The following SMARCA4 variants were observed in gnomAD, a reference collection of about 807,000 sequenced individuals.
SMARCA4 encodes SWI/SNF related BAF chromatin remodeling complex subunit ATPase 4.
A neutral mutation model predicts 193.9 loss-of-function variants in SMARCA4; 31 were observed. The observed-to-expected ratio is 0.16, with a 90% CI of 0.12 to 0.22. The LOEUF is 0.22. Ranked by LOEUF, SMARCA4 falls within the 10% of genes least tolerant of loss-of-function variation. The pLI, the probability that SMARCA4 is intolerant of heterozygous loss-of-function variation, is 1.00. For missense variants in SMARCA4, 1,148 were observed against 2,296.0 expected (o/e 0.50, Z 10.22); for synonymous variants, 942 against 933.1 (o/e 1.01, Z -0.17).
chr19:10,987,917 G>A lies in SMARCA4; in HGVS notation c.1111G>A (p.Glu371Lys), dbSNP rs1599972601. 1.2e-6 allele frequency: 2 copies of A among 1,612,598 alleles called. No individual in the cohort carries two copies. The highest frequency in any genetic ancestry group is 1.7e-6 in the Non-Finnish European group (2 of 1,179,944). ...CCCTGTGGAGATCCTGCAGGAGCGC[G>A]AGTACAGGTGAGGGCGGGGCCCAGT... ...LDPVEILQER[E>K]YRLQARIAHR... The change falls in exon 6 of 35, where the codon GAG (glutamate) becomes AAG (lysine). Residue 371 changes from glutamate (E) to lysine (K), a missense_variant. Around this residue, in one of 17 missense-constraint regions of SMARCA4, gnomAD observed 257 missense variants for 276.5 expected, o/e 0.93. Coordinates refer to ENST00000344626, the MANE Select transcript of SMARCA4 (RefSeq NM_003072.5). This position sits in a 1 kb window ranked among gnomAD's most constrained non-coding sequence, Gnocchi z 5.3.
chr19:11,038,730 G>A (rs1181570697), intron 29 of SMARCA4, among the ~76,000 whole-genome samples: 3 of 151,912 alleles, frequency 2.0e-5, no homozygotes, highest in Admixed American at 1.3e-4. Flanking sequence ...CACTGGCACA[G>A]CCTCAGATTC....
intron 7 of SMARCA4, 36 bp downstream of exon 7, chr19:10,989,479 G>T: frequency 6.2e-7 from 1 of 1,611,966 alleles, no homozygotes; most frequent in Non-Finnish European, 8.5e-7. Context: ...TCCGAAAAGG[G>T]CCTTTGTCAC....
chr19:11,046,792 C>T (rs371311574), intron 30 of SMARCA4, among the ~76,000 whole-genome samples: 1 of 151,830 alleles, frequency 6.6e-6, no homozygotes, highest in Non-Finnish European at 1.5e-5. Flanking sequence ...CCCGCCTATG[C>T]AAAAAATACA....
rs895629752 is a variant in SMARCA4, at chr19:11,062,219, G to A, written c.*403G>A. ...GTCAGACTCGCCGGGGGCCCGGCGAGGGTATGTCAGTGTCACTGGATGTCA... is the reference window on the plus strand; with the variant it reads ...GTCAGACTCGCCGGGGGCCCGGCGAAGGTATGTCAGTGTCACTGGATGTCA... On this transcript the variant is annotated 3_prime_UTR_variant, in exon 35 of 35. Transcript: ENST00000344626. 2.0e-5 allele frequency: 6 copies of A among 303,140 alleles called. No individual in the cohort carries two copies. Among genetic ancestry groups the A allele is most frequent in the Admixed American group, 9.3e-5 (2 of 21,468 alleles). 18.8% of individuals were successfully genotyped at this position (303,140 alleles called of 1,614,324 possible).
chr19:11,061,989 G>T lies in SMARCA4; in HGVS notation c.*173G>T, dbSNP rs2076923315. 3 of 677,694 alleles carry T rather than the reference G, an allele frequency of 4.4e-6. No individual in the cohort carries two copies. The highest frequency in any genetic ancestry group is 4.3e-5 in the Admixed American group (2 of 46,906). The allele number at this position is 677,694 out of a possible 1,614,324, so 42.0% of individuals were successfully genotyped here. On this transcript the variant is annotated 3_prime_UTR_variant, in exon 35 of 35. Coordinates refer to ENST00000344626, the MANE Select transcript of SMARCA4 (RefSeq NM_003072.5). ...GAAGCTGTAGGACTGTTTGTGACTG[G>T]CCCTGTCCTGGCATCAGTAGCATCT...
intron 19 of SMARCA4, among the ~76,000 whole-genome samples, chr19:11,023,010 G>A (rs1372508995): frequency 1.3e-5 from 2 of 152,172 alleles, no homozygotes; most frequent in Non-Finnish European, 2.9e-5. Flanking sequence ...ATTAGTAGAG[G>A]AGTAGGCGCC....
intron 1 of SMARCA4, among the ~76,000 whole-genome samples, chr19:10,972,898 C>T (rs1447953845): frequency 1.3e-5 from 2 of 152,202 alleles, no homozygotes; most frequent in South Asian, 2.1e-4. Flanking sequence ...ATCATCGGCT[C>T]AGGAGTTTGA....
chr19:10,991,104 C>A (rs1206038608), intron 7 of SMARCA4, 46 bp from the exon 8 acceptor site: 8 of 1,609,502 alleles, frequency 5.0e-6, no homozygotes, highest in Non-Finnish European at 5.9e-6. Flanking sequence ...ATTGTGGATG[C>A]CACAGAGCTG....
In SMARCA4 at chr19:10,986,614, C is replaced by T. The variant is rs1259686884; in HGVS notation, c.760+21C>T. On this transcript the variant is annotated intron_variant, in intron 4 of 34. Transcript: ENST00000344626. This position sits in a 1 kb window ranked among gnomAD's most constrained non-coding sequence, Gnocchi z 6.7. ...TCATGGTAAGACTGGCTGCCCTGGCCCTCAGGTGTCTCAGAGCGAATGGCT... is the reference window on the plus strand; with the variant it reads ...TCATGGTAAGACTGGCTGCCCTGGCTCTCAGGTGTCTCAGAGCGAATGGCT... 4 of 1,535,388 alleles carry T rather than the reference C, an allele frequency of 2.6e-6. No homozygotes were observed. Among genetic ancestry groups the T allele is most frequent in the Non-Finnish European group, 2.6e-6 (3 of 1,146,794 alleles).
Position 10,986,625 on chromosome 19 carries a change from T to G in SMARCA4, c.760+32T>G. Reference sequence around the variant, plus strand: ...CTGGCTGCCCTGGCCCTCAGGTGTCTCAGAGCGAATGGCTGGGGCGTGGGT... The same window carrying G: ...CTGGCTGCCCTGGCCCTCAGGTGTCGCAGAGCGAATGGCTGGGGCGTGGGT... On this transcript the variant is annotated intron_variant, in intron 4 of 34. Coordinates refer to ENST00000344626, the MANE Select transcript of SMARCA4 (RefSeq NM_003072.5). This position sits in a 1 kb window ranked among gnomAD's most constrained non-coding sequence, Gnocchi z 6.7. The G allele has an allele frequency of 6.5e-7, 1 of 1,535,220 alleles. No individual in the cohort carries two copies. Among genetic ancestry groups the G allele is most frequent in the Non-Finnish European group, 8.7e-7 (1 of 1,146,720 alleles).
chr19:10,962,030 G>T (rs947994995), intron 1 of SMARCA4, among the ~76,000 whole-genome samples: 1 of 143,554 alleles, frequency 7.0e-6, no homozygotes, highest in South Asian at 2.2e-4. Flanking sequence ...AAGGGAATAA[G>T]CGGAAAAGCC....
chr19:11,058,964 T>C lies in SMARCA4; in HGVS notation c.4635+75T>C. ...TTGACCCAACCCGCCCCTCCTTCCC[T>C]TCTGAATTGATGGGTTAAAAACAAG... On this transcript the variant is annotated intron_variant, in intron 32 of 34. Coordinates refer to ENST00000344626, the MANE Select transcript of SMARCA4 (RefSeq NM_003072.5). The surrounding 1 kb of genome is among the most constrained non-coding windows in gnomAD (Gnocchi z 5.8). The C allele has an allele frequency of 8.5e-7, 1 of 1,171,150 alleles. No homozygotes were observed. Among genetic ancestry groups the C allele is most frequent in the Non-Finnish European group, 1.3e-6 (1 of 788,568 alleles). 72.5% of individuals were successfully genotyped at this position (1,171,150 alleles called of 1,614,324 possible).
intron 16 of SMARCA4, among the ~76,000 whole-genome samples, chr19:11,018,573 C>T (rs1215550370): frequency 6.6e-6 from 1 of 152,234 alleles, no homozygotes; most frequent in African/African-American, 2.4e-5. Context: ...CCTCAGGTCT[C>T]CACAGCACTG....
Position 10,991,372 on chromosome 19 carries a change from TG to T in SMARCA4, c.1419+51del. The T allele has an allele frequency of 2.6e-6, 4 of 1,555,040 alleles. No homozygotes were observed. In the South Asian group the frequency reaches 3.5e-5, roughly 14 times the overall value. ...CCTGCAGCCCGCCCACCTGGCTGCC[TG>T]GCTTGTCCAGCGGTTGCCACGGGGC... On this transcript the variant is annotated intron_variant, in intron 8 of 34. Coordinates refer to ENST00000344626, the MANE Select transcript of SMARCA4 (RefSeq NM_003072.5).
rs2146701361 is a variant in SMARCA4, at chr19:11,035,049, G to A, written c.4087G>A (p.Glu1363Lys). 2 of 1,613,070 alleles carry A rather than the reference G, an allele frequency of 1.2e-6. No individual in the cohort carries two copies. Among genetic ancestry groups the A allele is most frequent in the Non-Finnish European group, 1.7e-6 (2 of 1,179,924 alleles). Residue 1363 changes from glutamate (E) to lysine (K), a missense_variant, in exon 29 of 35, where the codon GAG (glutamate) becomes AAG (lysine). Physicochemically the swap from Glu to Lys is moderately conservative, Grantham distance 56. Transcript: ENST00000344626. ...GGAGCGGCTGACCTGTGAGGAGGAG[G>A]AGGAGAAGATGTTCGGCCGTGGCTC... The part of the protein sequence containing the change: ...EVERLTCEEE[E>K]EKMFGRGSRH...
intron 1 of SMARCA4, among the ~76,000 whole-genome samples, chr19:10,962,534 A>G (rs1217744297): frequency 6.6e-6 from 1 of 151,868 alleles, no homozygotes; most frequent in East Asian, 1.9e-4. Context: ...AAAATCAGGG[A>G]GGGTGTGTAG....
At chr19:11,057,784 G>C (rs1355350135) in intron 30 of SMARCA4, among the ~76,000 whole-genome samples, 2 of 151,962 alleles carry the variant, frequency 1.3e-5, no homozygotes, top group Non-Finnish European at 2.9e-5. Flanking sequence ...GTTGTCTCTG[G>C]GAAATGTTCC....
chr19:11,051,324 G>A (rs142242852), intron 30 of SMARCA4, among the ~76,000 whole-genome samples: 2 of 152,268 alleles, frequency 1.3e-5, no homozygotes, highest in East Asian at 1.9e-4. Flanking sequence ...AGACAGAGGT[G>A]CAGGTGTGTG....
At chr19:11,018,765 G>A (rs2089601367) in intron 16 of SMARCA4, 192 bp from the exon 17 acceptor site, 1 of 694,688 alleles carries the variant, frequency 1.4e-6, no homozygotes, top group African/African-American at 1.8e-5. Context: ...GTCCTCTGAG[G>A]CAGAGCCCTT....
Sources: gnomAD v4.1 joint callset for allele counts (sites outside exome capture counted in the v4.1 genomes callset) on GRCh38, gnomAD v4.1.1 for gene constraint, gnomAD v4.1.1 regional missense constraint, Gnocchi (gnomAD v3.1) non-coding constraint, MANE v1.5 for transcripts, NCBI Gene and HGNC (gene_info 2026-07-23, HGNC 2026-07-21) for gene names.